SLC25A26: variants seen among roughly 807,000 people sequenced by gnomAD.
SLC25A26 encodes mitochondrial S-adenosylmethionine carrier protein.
In SLC25A26, 36 loss-of-function variants were observed where a neutral mutation model predicts 37.8. That is an observed-to-expected ratio of 0.95 (90% CI 0.73 to 1.26). The LOEUF (loss-of-function observed/expected upper bound fraction) is 1.26, where lower values mean the gene tolerates loss of function less well. Among genes scored for constraint, SLC25A26 ranks in the 50% most tolerant of loss-of-function variants. The pLI is 0.00. For missense variants in SLC25A26, 390 were observed against 331.1 expected (o/e 1.18, Z -1.38); for synonymous variants, 129 against 122.5 (o/e 1.05, Z -0.35).
intron 1 of SLC25A26, among the ~76,000 whole-genome samples, chr3:66,215,940 C>T (rs898563528): frequency 1.2e-3 from 178 of 152,290 alleles, no homozygotes; most frequent in Non-Finnish European, 2.3e-3. Flanking sequence ...AAGGTATTGG[C>T]AGATTCGGTG....
At chr3:66,204,842 A>G (rs1219216440) in intron 1 of SLC25A26, among the ~76,000 whole-genome samples, 1 of 152,186 alleles carries the variant, frequency 6.6e-6, no homozygotes, top group Non-Finnish European at 1.5e-5. Flanking sequence ...TTTGCCATGA[A>G]TGTTAAACCA....
intron 5 of SLC25A26, among the ~76,000 whole-genome samples, chr3:66,293,615 G>C (rs183458711): frequency 2.0e-5 from 3 of 151,566 alleles, no homozygotes; most frequent in East Asian, 1.9e-4. Flanking sequence ...CATTTAGCTC[G>C]CAATTATAAA....
intron 5 of SLC25A26, among the ~76,000 whole-genome samples, chr3:66,301,614 T>C (rs980390623): frequency 6.6e-6 from 1 of 152,204 alleles, no homozygotes; most frequent in African/African-American, 2.4e-5. Flanking sequence ...ACATTTTCAT[T>C]TGGGAAAAAT....
chr3:66,370,618 C>T lies in SLC25A26; in HGVS notation c.707+16C>T. 2 of 1,605,958 alleles carry T rather than the reference C, an allele frequency of 1.2e-6. No individual in the cohort carries two copies. The highest frequency in any genetic ancestry group is 2.2e-5 in the East Asian group (1 of 44,812). ...GGCTGGCAGGGTAAGACGAGGAATG[C>T]CCTCCTTCCTTTCTTCCTCTCCACC... On this transcript the variant is annotated intron_variant, in intron 9 of 9. Transcript: ENST00000354883.
chr3:66,358,078 A>G (rs1339756344), intron 6 of SLC25A26, among the ~76,000 whole-genome samples: 1 of 152,268 alleles, frequency 6.6e-6, no homozygotes, highest in South Asian at 2.1e-4. Context: ...CCTGTACTAT[A>G]TCCTACATTC....
chr3:66,357,442 G>A (rs1004735880), intron 6 of SLC25A26, among the ~76,000 whole-genome samples: 3 of 152,098 alleles, frequency 2.0e-5, no homozygotes, highest in African/African-American at 7.2e-5. Context: ...AACAGAAAAA[G>A]GAAATGGGAC....
chr3:66,315,924 A>G (rs2075526711), intron 5 of SLC25A26, among the ~76,000 whole-genome samples: 1 of 152,146 alleles, frequency 6.6e-6, no homozygotes, highest in African/African-American at 2.4e-5. Context: ...GTCAGAGACT[A>G]GGATTGTAAC....
chr3:66,136,583 C>A lies in SLC25A26; in HGVS notation c.-354+2599C>A, dbSNP rs576735410. On this transcript the variant is annotated intron_variant, in intron 1 of 10. Coordinates refer to the SLC25A26 transcript ENST00000676754. ...TATTTTAAAAGATGGCTTTTAGTTT[C>A]ATGTTCCAGTTGATGCTTATATTTC... Among the ~76,000 whole-genome samples the A allele has an allele frequency of 5.3e-5, 8 of 152,334 alleles. No individual in the cohort carries two copies. In the South Asian group the frequency reaches 1.7e-3, roughly 32 times the overall value.
chr3:66,187,668 A>G (rs1371529163), intron 1 of SLC25A26, among the ~76,000 whole-genome samples: 6 of 151,642 alleles, frequency 4.0e-5, no homozygotes, highest in African/African-American at 9.7e-5. Context: ...ATTCTCATCA[A>G]TCCTTCTATT....
intron 1 of SLC25A26, among the ~76,000 whole-genome samples, chr3:66,230,817 A>AC (rs1300254526): frequency 2.1e-5 from 3 of 140,318 alleles, no homozygotes; most frequent in Non-Finnish European, 3.0e-5. Flanking sequence ...AAAAAAAAAA[A>AC]AACAAAAAAA....
chr3:66,321,910 G>T (rs1285437554), intron 5 of SLC25A26, among the ~76,000 whole-genome samples: 1 of 152,012 alleles, frequency 6.6e-6, no homozygotes, highest in African/African-American at 2.4e-5. Context: ...TATCCTGGAG[G>T]CTAGGAAGTC....
At chr3:66,138,806 T>A (rs1468998788) in intron 1 of SLC25A26, among the ~76,000 whole-genome samples, 1 of 152,092 alleles carries the variant, frequency 6.6e-6, no homozygotes, top group African/African-American at 2.4e-5. Context: ...AAGCCACCCA[T>A]TAATCTTGTA....
At chr3:66,176,828 G>A (rs1461594613) in intron 1 of SLC25A26, among the ~76,000 whole-genome samples, 1 of 152,186 alleles carries the variant, frequency 6.6e-6, no homozygotes, top group Non-Finnish European at 1.5e-5. Context: ...AATTGGGGAA[G>A]GGGTGAAAGG....
intron 9 of SLC25A26, among the ~76,000 whole-genome samples, chr3:66,377,038 A>G (rs1700696959): frequency 6.6e-6 from 1 of 152,184 alleles, no homozygotes; most frequent in African/African-American, 2.4e-5. Context: ...TTTTGAACAA[A>G]TATCTGAGTA....
At chr3:66,281,035 C>G (rs72902905) in intron 5 of SLC25A26, among the ~76,000 whole-genome samples, 2,269 of 152,270 alleles carry the variant, frequency 0.015, 63 homozygotes, top group African/African-American at 0.051. Flanking sequence ...TGAACAAATA[C>G]ATTGCATTTG....
rs869025314 is a variant in SLC25A26, at chr3:66,262,055, C to T, written c.305C>T (p.Ala102Val). The T allele has an allele frequency of 8.3e-6, 13 of 1,564,446 alleles. No individual in the cohort carries two copies. Among genetic ancestry groups the T allele is most frequent in the East Asian group, 4.6e-5 (2 of 43,896 alleles). Reference sequence around the variant, plus strand: ...ATAATCAAATTTGTCTTTTAGGTTGCCTGCCTGATTCGAGTTCCATCTGAA... The same window carrying T: ...ATAATCAAATTTGTCTTTTAGGTTGTCTGCCTGATTCGAGTTCCATCTGAA... ...MLAASAGEVV[A>V]CLIRVPSEVV... Residue 102 changes from alanine to valine, a missense_variant, in exon 4 of 10, where the codon GCC (alanine) becomes GTC (valine). Ala to Val is a moderately conservative substitution (Grantham distance 64). Transcript: ENST00000354883.
At chr3:66,239,367 A>G (rs997634608) in intron 2 of SLC25A26, among the ~76,000 whole-genome samples, 1 of 151,860 alleles carries the variant, frequency 6.6e-6, no homozygotes, top group Non-Finnish European at 1.5e-5. Context: ...TTACTGATAA[A>G]TGTCCTTGGT....
At chr3:66,180,182 C>T (rs1412742168) in intron 1 of SLC25A26, among the ~76,000 whole-genome samples, 3 of 152,120 alleles carry the variant, frequency 2.0e-5, no homozygotes, top group Non-Finnish European at 2.9e-5. Context: ...GACTGGGAGG[C>T]GTAGTTATGA....
chr3:66,201,624 T>G (rs1463235010), intron 1 of SLC25A26, among the ~76,000 whole-genome samples: 1 of 152,200 alleles, frequency 6.6e-6, no homozygotes, highest in Non-Finnish European at 1.5e-5. Context: ...GTGTAATGAT[T>G]TGTTTTTAAA....
Sources: gnomAD v4.1 joint callset for allele counts (sites outside exome capture counted in the v4.1 genomes callset) on GRCh38, gnomAD v4.1.1 for gene constraint, MANE v1.5 for transcripts, NCBI Gene and HGNC (gene_info 2026-07-23, HGNC 2026-07-21) for gene names.